MASP1: variants seen among roughly 807,000 people sequenced by gnomAD.
MASP1 encodes the protein MBL associated serine protease 1, also known as mannan-binding lectin serine protease 1.
In MASP1, 59 loss-of-function variants were observed where a neutral mutation model predicts 77.1. That is an observed-to-expected ratio of 0.77 (90% CI 0.62 to 0.95). MASP1 has a LOEUF of 0.95. MASP1 is among the 40% of genes least tolerant of loss of function. The probability of loss-of-function intolerance (pLI) is 0.00; values close to 1 mark genes in which losing one functional copy is unlikely to be tolerated. For missense variants in MASP1, 885 were observed against 912.9 expected, an observed-to-expected ratio of 0.97 and a Z score of 0.39; for synonymous variants, 362 against 354.5, an observed-to-expected ratio of 1.02 and a Z score of -0.24.
chr3:187,239,873 CT>C (rs1356800758), intron 10 of MASP1, among the ~76,000 whole-genome samples: 2 of 152,164 alleles, frequency 1.3e-5, no homozygotes, highest in Non-Finnish European at 2.9e-5. Context: ...TTACTTCCTT[CT>C]TCTCTGGGAT....
At chr3:187,282,510 A>AAAAAAAAAAG (rs144429912) in intron 2 of MASP1, among the ~76,000 whole-genome samples, 2 of 131,478 alleles carry the variant, frequency 1.5e-5, no homozygotes, top group African/African-American at 5.5e-5. Flanking sequence ...AAAAAAAAAA[A>AAAAAAAAAAG]AAGAAGAAGA....
chr3:187,273,471 TCTTTA>T (rs1320386664), intron 2 of MASP1, among the ~76,000 whole-genome samples: 1 of 152,224 alleles, frequency 6.6e-6, no homozygotes, highest in East Asian at 1.9e-4. Context: ...GGAATTTCTC[TCTTTA>T]CTTTGCTGTG....
At chr3:187,269,291 A>G (rs1483872410) in intron 2 of MASP1, among the ~76,000 whole-genome samples, 2 of 152,140 alleles carry the variant, frequency 1.3e-5, no homozygotes, top group Non-Finnish European at 2.9e-5. Context: ...AGAATTGTGG[A>G]TATGTTTTTC....
intron 4 of MASP1, among the ~76,000 whole-genome samples, chr3:187,257,628 T>C (rs1367823938): frequency 6.6e-6 from 1 of 152,172 alleles, no homozygotes; most frequent in Non-Finnish European, 1.5e-5. Flanking sequence ...CAAGCCATCT[T>C]CCTGCCTTGG....
downstream of MASP1, chr3:187,234,017 T>C (rs570496701): frequency 3.5e-6 from 4 of 1,146,290 alleles, no homozygotes; most frequent in South Asian, 6.4e-5. Flanking sequence ...GACCAATTTC[T>C]TTTCAAAAAA....
downstream of MASP1, chr3:187,233,985 G>A (rs1350822418): frequency 1.3e-6 from 1 of 747,654 alleles, no homozygotes; most frequent in Admixed American, 3.7e-5. Flanking sequence ...CTGCAACAAG[G>A]GAGATTTTGG....
chr3:187,230,875 A>T (rs958813031), downstream of MASP1, among the ~76,000 whole-genome samples: 1 of 152,228 alleles, frequency 6.6e-6, no homozygotes, highest in Non-Finnish European at 1.5e-5. Context: ...GGCCAGCCCC[A>T]TAAACTTTTA....
chr3:187,285,158 T>C (rs1356081440), intron 2 of MASP1, among the ~76,000 whole-genome samples: 1 of 13,666 alleles, frequency 7.3e-5, no homozygotes, highest in Non-Finnish European at 1.2e-4. Flanking sequence ...CCCATGGAAT[T>C]TTTTTTTTTG....
exon 15 of MASP1, chr3:187,221,065 T>G (rs1712032172): frequency 6.2e-7 from 1 of 1,614,038 alleles, no homozygotes; most frequent in Non-Finnish European, 8.5e-7. Context: ...ATCATGTCCC[T>G]GGTCACTTTC....
Position 187,235,531 on chromosome 3 carries a change from C to T in MASP1, c.*153G>A, listed in dbSNP as rs1484365383. 18 of 1,535,350 alleles carry T rather than the reference C, an allele frequency of 1.2e-5. No individual in the cohort carries two copies. The highest frequency in any genetic ancestry group is 2.3e-4 in the Middle Eastern group (1 of 4,392). On this transcript the variant is annotated 3_prime_UTR_variant, in exon 11 of 11. Transcript: ENST00000296280. ...GCCTTTTCCCTATACCACACTCTGCCTCTCAGGGTCCTGGGGGCTGTCTCG... is the reference window on the plus strand; with the variant it reads ...GCCTTTTCCCTATACCACACTCTGCTTCTCAGGGTCCTGGGGGCTGTCTCG...
downstream of MASP1, among the ~76,000 whole-genome samples, chr3:187,233,583 C>G (rs1712900680): frequency 6.6e-6 from 1 of 152,212 alleles, no homozygotes; most frequent in South Asian, 2.1e-4. Flanking sequence ...ATGCCAGTTT[C>G]AACACTTTGA....
At chr3:187,281,056 A>G (rs764094802) in intron 2 of MASP1, among the ~76,000 whole-genome samples, 2 of 152,234 alleles carry the variant, frequency 1.3e-5, no homozygotes, top group African/African-American at 2.4e-5. Context: ...TGACTCCCTG[A>G]CTAGTATCTG....
At chr3:187,267,691 A>G (rs1036871468) in intron 2 of MASP1, among the ~76,000 whole-genome samples, 1 of 152,252 alleles carries the variant, frequency 6.6e-6, no homozygotes, top group Non-Finnish European at 1.5e-5. Context: ...CAGAGGTGGT[A>G]GCTGCTTACA....
intron 2 of MASP1, among the ~76,000 whole-genome samples, chr3:187,265,937 G>C (rs777122692): frequency 6.6e-6 from 1 of 152,102 alleles, no homozygotes. Context: ...CACTGGTCCC[G>C]GTTAATATTT....
rs575003189 is a variant in MASP1 at position 187,282,332 on chromosome 3, G to A, written c.237+3493C>T. ...GCCAACATGGTGAAACCCCGTCTCT[G>A]CTAAAATACAAAAAATTAGTCAGGC... is the stretch of plus-strand genomic sequence containing the variant. On this transcript the variant is annotated intron_variant, in intron 2 of 10. Transcript: ENST00000296280. Among the ~76,000 whole-genome samples the A allele has an allele frequency of 5.9e-5, 9 of 151,924 alleles. No homozygotes were observed. The East Asian group carries it at 1.8e-3, about 30-fold the overall frequency.
chr3:187,248,528 C>T (rs1267514994), intron 8 of MASP1, among the ~76,000 whole-genome samples: 2 of 152,166 alleles, frequency 1.3e-5, no homozygotes, highest in African/African-American at 4.8e-5. Context: ...CTGATTCTAT[C>T]CAGGACACCC....
At chr3:187,271,711 T>A (rs931774829) in intron 2 of MASP1, among the ~76,000 whole-genome samples, 1 of 152,168 alleles carries the variant, frequency 6.6e-6, no homozygotes, top group African/African-American at 2.4e-5. Context: ...TCCCTCTAGC[T>A]TCCACCCCAT....
chr3:187,274,442 G>T (rs747312550), intron 2 of MASP1, among the ~76,000 whole-genome samples: 2 of 152,098 alleles, frequency 1.3e-5, no homozygotes, highest in Non-Finnish European at 2.9e-5. Flanking sequence ...CTGACATCCA[G>T]GTTTGGCTCA....
intron 2 of MASP1, among the ~76,000 whole-genome samples, chr3:187,271,076 G>A (rs1716480175): frequency 6.6e-6 from 1 of 152,222 alleles, no homozygotes; most frequent in African/African-American, 2.4e-5. Context: ...ACAAAGAATA[G>A]GCTCACGTTT....
Sources: allele counts gnomAD v4.1 joint callset (sites outside exome capture counted in the v4.1 genomes callset), GRCh38; gene constraint gnomAD v4.1.1; transcripts MANE v1.5; gene names NCBI Gene and HGNC (gene_info 2026-07-23, HGNC 2026-07-21).